The following CTNND2 variants were observed in gnomAD, a reference collection of about 807,000 sequenced individuals.
CTNND2 encodes the protein catenin delta-2.
Under a neutral mutation model 144.4 loss-of-function variants are expected in CTNND2, and 22 were observed. The observed-to-expected ratio is 0.15, with a 90% CI of 0.11 to 0.22. The LOEUF (loss-of-function observed/expected upper bound fraction) is 0.22. Ranked by LOEUF, CTNND2 falls within the 10% of genes least tolerant of loss-of-function variation. The pLI is 1.00. For synonymous variants in CTNND2, 751 were observed against 695.6 expected (o/e 1.08, Z -1.25); for missense variants, 1,353 against 1,618.8 (o/e 0.84, Z 2.82).
intron 4 of CTNND2, 35 bp from the exon 5 acceptor site, chr5:11,411,687 C>T (rs201768853): frequency 4.3e-5 from 52 of 1,214,024 alleles, no homozygotes; most frequent in Non-Finnish European, 3.4e-5. Context: ...TGAACAAACA[C>T]ATGGTATATT....
At chr5:11,429,123 A>G (rs1453998069) in intron 3 of CTNND2, among the ~76,000 whole-genome samples, 2 of 152,182 alleles carry the variant, frequency 1.3e-5, no homozygotes, top group Non-Finnish European at 2.9e-5. Context: ...GTTCACATAT[A>G]AAAGGAAAAT....
At chr5:11,266,085 T>C (rs981175419) in intron 9 of CTNND2, among the ~76,000 whole-genome samples, 6 of 152,144 alleles carry the variant, frequency 3.9e-5, no homozygotes, top group African/African-American at 1.4e-4. Context: ...AAAATCCACA[T>C]TACTAACAGA....
intron 2 of CTNND2, among the ~76,000 whole-genome samples, chr5:11,586,006 C>A (rs963457487): frequency 6.6e-6 from 1 of 152,092 alleles, no homozygotes; most frequent in African/African-American, 2.4e-5. Context: ...GGATGGGTGG[C>A]TGGTGGCAGA....
intron 2 of CTNND2, among the ~76,000 whole-genome samples, chr5:11,723,655 C>CA (rs2126723180): frequency 6.6e-6 from 1 of 152,306 alleles, no homozygotes; most frequent in South Asian, 2.1e-4. Flanking sequence ...ATATACTAAA[C>CA]ACCTCCTCCA....
At chr5:11,078,521 C>T (rs189720516) in intron 16 of CTNND2, among the ~76,000 whole-genome samples, 7 of 152,138 alleles carry the variant, frequency 4.6e-5, no homozygotes, top group Non-Finnish European at 5.9e-5. Context: ...TTCCTGTCTC[C>T]GAGAGAAGAC....
At chr5:11,225,501 CTTTTA>C (rs984574275) in intron 10 of CTNND2, among the ~76,000 whole-genome samples, 1 of 152,198 alleles carries the variant, frequency 6.6e-6, no homozygotes, top group Non-Finnish European at 1.5e-5. Flanking sequence ...TCTTCCTCTT[CTTTTA>C]TATCACCAGC....
At chr5:11,232,573 G>T (rs1202041436) in intron 10 of CTNND2, among the ~76,000 whole-genome samples, 2 of 152,230 alleles carry the variant, frequency 1.3e-5, no homozygotes, top group Non-Finnish European at 2.9e-5. Context: ...ACTTGGAAAA[G>T]ATGTATTTAC....
At chr5:11,330,768 G>A (rs1204504519) in intron 9 of CTNND2, among the ~76,000 whole-genome samples, 2 of 128,972 alleles carry the variant, frequency 1.6e-5, no homozygotes, top group African/African-American at 3.1e-5. Flanking sequence ...GGGCAACAGA[G>A]CAAAACTCTG....
At chr5:11,011,617 A>C (rs184020700) in intron 18 of CTNND2, among the ~76,000 whole-genome samples, 23 of 152,306 alleles carry the variant, frequency 1.5e-4, no homozygotes, top group African/African-American at 4.6e-4. Flanking sequence ...CAGGACCATA[A>C]GCTGAACATT....
intron 10 of CTNND2, among the ~76,000 whole-genome samples, chr5:11,219,399 G>C (rs1580621095): frequency 6.6e-6 from 1 of 152,238 alleles, no homozygotes; most frequent in African/African-American, 2.4e-5. Flanking sequence ...ACAGAGGAGA[G>C]AAGAACATCA....
At chr5:11,355,436 C>T (rs972287824) in intron 8 of CTNND2, among the ~76,000 whole-genome samples, 2 of 151,798 alleles carry the variant, frequency 1.3e-5, no homozygotes, top group African/African-American at 4.8e-5. Context: ...ATAGATTCTG[C>T]AAATAAGTTG....
intron 16 of CTNND2, among the ~76,000 whole-genome samples, chr5:11,041,076 C>T (rs1271033361): frequency 1.3e-5 from 2 of 152,126 alleles, no homozygotes; most frequent in South Asian, 2.1e-4. Context: ...CCAACCTGAG[C>T]GACATTGGAA....
chr5:11,593,200 A>G (rs1322551346), intron 2 of CTNND2, among the ~76,000 whole-genome samples: 1 of 144,286 alleles, frequency 6.9e-6, no homozygotes, highest in Non-Finnish European at 1.5e-5. Flanking sequence ...ATAACAGAAT[A>G]TAAAAAAAGT....
chr5:11,386,911 T>C (rs527389257), intron 6 of CTNND2, among the ~76,000 whole-genome samples: 213 of 152,184 alleles, frequency 1.4e-3, no homozygotes, highest in Non-Finnish European at 2.1e-4. Context: ...CCCAGAGAAA[T>C]AGTCTAGCTT....
chr5:11,174,883 T>C (rs1057167422), intron 11 of CTNND2, among the ~76,000 whole-genome samples: 2 of 152,238 alleles, frequency 1.3e-5, no homozygotes, highest in African/African-American at 4.8e-5. Flanking sequence ...CTTGCTTATT[T>C]AAATGCTATG....
At chr5:11,602,737 AAAT>A (rs1779865057) in intron 2 of CTNND2, among the ~76,000 whole-genome samples, 1 of 146,122 alleles carries the variant, frequency 6.8e-6, no homozygotes, top group African/African-American at 2.5e-5. Flanking sequence ...TATGTAATAT[AAAT>A]ATTATATATA....
intron 1 of CTNND2, among the ~76,000 whole-genome samples, chr5:11,752,696 T>C (rs1310614245): frequency 6.6e-6 from 1 of 151,922 alleles, no homozygotes; most frequent in Non-Finnish European, 1.5e-5. Context: ...ATATGCTTTA[T>C]ACAATAGGTA....
rs376784475 is a variant in CTNND2, at chr5:10,988,154, G to T, written c.3300C>A (p.His1100Gln). 2 of 1,614,108 alleles carry T rather than the reference G, an allele frequency of 1.2e-6. No homozygotes were observed. Among genetic ancestry groups the T allele is most frequent in the African/African-American group, 2.7e-5 (2 of 74,944 alleles). ...YECTGSNATY[H>Q]GAKGEHTSRK... ...TGGAAGTGTGTTCGCCTTTAGCTCC[G>T]TGGTAGGTGGCGTTGCTGCCGGTGC... Residue 1100 changes from histidine to glutamine, a missense_variant, in exon 20 of 22, where the codon CAC becomes CAA. By Grantham distance (24) the His-to-Gln change is conservative. Around this residue, in one of 4 missense-constraint regions of CTNND2, gnomAD observed 459 missense variants for 674.3 expected, o/e 0.68. Transcript: ENST00000304623. The surrounding 1 kb of genome is among the most constrained non-coding windows in gnomAD (Gnocchi z 5.9).
rs534250364 is a variant in CTNND2, at chr5:11,878,790, A to T, written c.37+25027T>A. On this transcript the variant is annotated intron_variant, in intron 1 of 21. Coordinates refer to ENST00000304623, the MANE Select transcript of CTNND2 (RefSeq NM_001332.4). ...CCACACCATATTTCCTGAGACACCA[A>T]CAAAGAAAAAGCATCCAAAGAGAGA... is the stretch of plus-strand genomic sequence containing the variant. Among the ~76,000 whole-genome samples the T allele has an allele frequency of 1.0e-3, 158 of 152,348 alleles. 1 individual carries two copies. Among genetic ancestry groups the T allele is most frequent in the Non-Finnish European group, 1.7e-3 (119 of 68,038 alleles).
Sources: allele counts gnomAD v4.1 joint callset (sites outside exome capture counted in the v4.1 genomes callset), GRCh38; gene constraint gnomAD v4.1.1; regional missense constraint gnomAD v4.1.1; non-coding constraint Gnocchi (gnomAD v3.1); transcripts MANE v1.5; gene names NCBI Gene and HGNC (gene_info 2026-07-23, HGNC 2026-07-21).